ABCC4: variants seen among roughly 807,000 people sequenced by gnomAD.
ABCC4 encodes the protein ATP binding cassette subfamily C member 4 (PEL blood group).
In ABCC4, 102 loss-of-function variants were observed where a neutral mutation model predicts 168.5. The observed-to-expected ratio is 0.61, with a 90% CI of 0.52 to 0.71. The LOEUF (loss-of-function observed/expected upper bound fraction) is 0.71. ABCC4 is among the 30% of genes least tolerant of loss of function. The probability of loss-of-function intolerance (pLI) is 0.00; values close to 1 mark genes in which losing one functional copy is unlikely to be tolerated. For synonymous variants in ABCC4, 617 were observed against 590.7 expected (o/e 1.04, Z -0.65); for missense variants, 1,402 against 1,605.8 (o/e 0.87, Z 2.17).
chr13:95,048,112 C>T (rs1276916636), intron 27 of ABCC4, among the ~76,000 whole-genome samples: 5 of 152,134 alleles, frequency 3.3e-5, no homozygotes, highest in African/African-American at 1.2e-4. Context: ...AATTTTCTTA[C>T]TAAATGTCAT....
At chr13:95,279,111 T>C (rs1174202631) in intron 1 of ABCC4, among the ~76,000 whole-genome samples, 2 of 152,140 alleles carry the variant, frequency 1.3e-5, no homozygotes, top group Non-Finnish European at 2.9e-5. Flanking sequence ...ACTACAGAGA[T>C]AAAGATTTGG....
intron 3 of ABCC4, among the ~76,000 whole-genome samples, chr13:95,242,118 T>C (rs578137076): frequency 7.9e-5 from 12 of 152,312 alleles, no homozygotes; most frequent in African/African-American, 2.9e-4. Context: ...AGGTTAAGTT[T>C]AGAGCTTCCA....
intron 27 of ABCC4, 59 bp downstream of exon 27, chr13:95,053,036 A>G (rs2032905184): frequency 7.8e-6 from 11 of 1,410,876 alleles, no homozygotes; most frequent in South Asian, 5.8e-5. Context: ...AATGCTGTAA[A>G]GGTACATATA....
intron 3 of ABCC4, among the ~76,000 whole-genome samples, chr13:95,244,670 A>AATCAATCAATC (rs1555336347): frequency 9.4e-6 from 1 of 106,358 alleles, no homozygotes; most frequent in Non-Finnish European, 2.1e-5. Context: ...AGAAAGAAAG[A>AATCAATCAATC]AATCATAGCA....
intron 19 of ABCC4, among the ~76,000 whole-genome samples, chr13:95,121,381 C>T (rs967933948): frequency 2.0e-5 from 3 of 150,714 alleles, no homozygotes; most frequent in African/African-American, 4.9e-5. Flanking sequence ...TAAATGGGTG[C>T]GAAGGATCCC....
At chr13:95,216,626 A>AAAAAAAC (rs1566537157) in intron 4 of ABCC4, among the ~76,000 whole-genome samples, 8 of 150,166 alleles carry the variant, frequency 5.3e-5, no homozygotes, top group East Asian at 2.0e-4. Flanking sequence ...AAAAAAAAAA[A>AAAAAAAC]AAAAAACCAG....
intron 1 of ABCC4, among the ~76,000 whole-genome samples, chr13:95,285,919 C>T (rs987942777): frequency 3.9e-5 from 6 of 152,050 alleles, no homozygotes; most frequent in Non-Finnish European, 1.5e-5. Context: ...GGAATCATTG[C>T]GTGCCTCCAG....
chr13:95,244,562 C>T (rs7324354), intron 3 of ABCC4, among the ~76,000 whole-genome samples: 29,965 of 121,206 alleles, frequency 0.25, 5,530 homozygotes, highest in African/African-American at 0.52. Context: ...AGAGTGAGAC[C>T]CTATCTCAAA....
Position 95,247,690 on chromosome 13 carries a change from T to G in ABCC4, c.138A>C (p.Ser46=), listed in dbSNP as rs769864284. The change falls in exon 2 of 31, where the codon TCA becomes TCC. Residue 46 remains serine, a synonymous_variant. Transcript: ENST00000645237. ...GCTGTGAGCGGTCTTCTGGCAGCAC[T>G]GAATACATATCATCTTCCTCTAATC... ...KRRLEEDDMY[S]VLPEDRSQHL... is the part of the protein sequence containing the mutation. 10 of 1,614,108 alleles carry G rather than the reference T, an allele frequency of 6.2e-6. No homozygotes were observed. In the South Asian group the frequency reaches 1.1e-4, roughly 18 times the overall value.
intron 19 of ABCC4, among the ~76,000 whole-genome samples, chr13:95,122,288 C>T (rs1594132212): frequency 6.6e-6 from 1 of 152,198 alleles, no homozygotes; most frequent in East Asian, 1.9e-4. Flanking sequence ...AGTTATCCTA[C>T]AAAACATCTT....
chr13:95,197,837 A>G (rs1304847220), intron 8 of ABCC4, among the ~76,000 whole-genome samples: 1 of 152,250 alleles, frequency 6.6e-6, no homozygotes, highest in African/African-American at 2.4e-5. Context: ...CTTAATGCCA[A>G]GACCATCAAT....
At chr13:95,135,796 T>C (rs1186502836) in intron 19 of ABCC4, among the ~76,000 whole-genome samples, 1 of 152,228 alleles carries the variant, frequency 6.6e-6, no homozygotes, top group Non-Finnish European at 1.5e-5. Context: ...TATTCTCAGT[T>C]TGACTTTTCA....
intron 3 of ABCC4, among the ~76,000 whole-genome samples, chr13:95,236,001 C>T (rs186243993): frequency 1.8e-3 from 269 of 152,236 alleles, no homozygotes; most frequent in African/African-American, 6.2e-3. Context: ...GGGAAGCATG[C>T]GGGCTTACCT....
intron 4 of ABCC4, among the ~76,000 whole-genome samples, chr13:95,232,449 C>T (rs1489096900): frequency 2.0e-5 from 3 of 151,986 alleles, no homozygotes; most frequent in Admixed American, 1.3e-4. Flanking sequence ...GAGGCCGAGA[C>T]GGGCAGATCA....
chr13:95,075,596 GA>G, intron 21 of ABCC4, 45 bp from the exon 22 acceptor site: 1 of 1,611,118 alleles, frequency 6.2e-7, no homozygotes, highest in East Asian at 2.2e-5. Flanking sequence ...GCTGGGTGCA[GA>G]AAAACCTGCG....
At chr13:95,102,447 A>T (rs2034843660) in intron 20 of ABCC4, among the ~76,000 whole-genome samples, 1 of 151,790 alleles carries the variant, frequency 6.6e-6, no homozygotes, top group Non-Finnish European at 1.5e-5. Context: ...TCTCTGGCAA[A>T]GTCTTTTATT....
chr13:95,290,055 C>G (rs1432960779), intron 1 of ABCC4, among the ~76,000 whole-genome samples: 2 of 151,856 alleles, frequency 1.3e-5, no homozygotes, highest in Non-Finnish European at 2.9e-5. Context: ...AAGATCACAC[C>G]ATTCCACTCC....
chr13:95,275,610 G>A (rs978057982), intron 1 of ABCC4, among the ~76,000 whole-genome samples: 7 of 112,414 alleles, frequency 6.2e-5, no homozygotes, highest in Non-Finnish European at 1.3e-4. Context: ...GACTCTTGGC[G>A]GTGACTCTAG....
At chr13:95,237,701 C>T (rs1389245409) in intron 3 of ABCC4, among the ~76,000 whole-genome samples, 1 of 152,132 alleles carries the variant, frequency 6.6e-6, no homozygotes, top group Non-Finnish European at 1.5e-5. Flanking sequence ...CATGTCTAGG[C>T]CCAGCGGGCA....
Sources: gnomAD v4.1 joint callset for allele counts (sites outside exome capture counted in the v4.1 genomes callset) on GRCh38, gnomAD v4.1.1 for gene constraint, MANE v1.5 for transcripts, NCBI Gene and HGNC (gene_info 2026-07-23, HGNC 2026-07-21) for gene names.